The following MICU1 variants were observed in gnomAD, a reference collection of about 807,000 sequenced individuals.
MICU1 encodes calcium uptake protein 1, mitochondrial.
MICU1 carries 45 observed loss-of-function variants against 56.8 expected under a neutral mutation model. That is an observed-to-expected ratio of 0.79 (90% CI 0.62 to 1.02). MICU1 has a LOEUF of 1.02. Among genes scored for constraint, MICU1 ranks in the 50% least tolerant of loss-of-function variants. The pLI is 0.00. For synonymous variants in MICU1, 186 were observed against 195.1 expected (o/e 0.95, Z 0.39); for missense variants, 504 against 587.1 (o/e 0.86, Z 1.46).
intron 9 of MICU1, among the ~76,000 whole-genome samples, chr10:72,411,306 A>C (rs941594577): frequency 6.6e-6 from 1 of 151,846 alleles, no homozygotes; most frequent in African/African-American, 2.4e-5. Flanking sequence ...ATACACACAT[A>C]ACATGCTAAA....
intron 8 of MICU1, among the ~76,000 whole-genome samples, chr10:72,424,093 A>G (rs1813330963): frequency 1.3e-5 from 2 of 150,476 alleles, no homozygotes; most frequent in African/African-American, 4.8e-5. Context: ...TTTTGTATCA[A>G]CCTATAACAG....
chr10:72,487,745 G>A (rs1866521315), intron 6 of MICU1, among the ~76,000 whole-genome samples: 1 of 152,128 alleles, frequency 6.6e-6, no homozygotes, highest in Non-Finnish European at 1.5e-5. Context: ...CCACAACAAT[G>A]TCCTGCTTAT....
chr10:72,533,676 T>C (rs919164024), intron 5 of MICU1, 70 bp downstream of exon 5: 21 of 1,178,054 alleles, frequency 1.8e-5, no homozygotes, highest in Non-Finnish European at 2.4e-5. Context: ...CAAACATAAC[T>C]ATAGAGGAAC....
At position 72,386,095 on chromosome 10, in the gene MICU1, G is replaced by T. The variant is rs77890234; in HGVS notation, c.1181-10223C>A. On this transcript the variant is annotated intron_variant, in intron 10 of 11. Transcript: ENST00000361114. ...AACACTGCGATTTCATCCTTGTTAA[G>T]ATCCTAAGCAGAGAACCCAGCTATG... Among the ~76,000 whole-genome samples the T allele has an allele frequency of 6.0e-3, 908 of 152,278 alleles. 7 individuals carry two copies. The highest frequency in any genetic ancestry group is 0.033 in the East Asian group (173 of 5,184).
intron 1 of MICU1, among the ~76,000 whole-genome samples, chr10:72,621,318 T>C (rs1442700581): frequency 6.6e-6 from 1 of 151,540 alleles, no homozygotes; most frequent in East Asian, 1.9e-4. Flanking sequence ...TGAAACCCCA[T>C]CTCTACTTAA....
chr10:72,468,361 T>G (rs1361293555), intron 8 of MICU1, among the ~76,000 whole-genome samples: 1 of 149,470 alleles, frequency 6.7e-6, no homozygotes, highest in Non-Finnish European at 1.5e-5. Flanking sequence ...AAATTAACCA[T>G]AACCTTTCAA....
rs191687484 is a variant in MICU1, at chr10:72,453,545, T to A, written c.933+21555A>T. On this transcript the variant is annotated intron_variant, in intron 8 of 11. Transcript: ENST00000361114. ...TATTTATTTATTTATTTATTTATTT[T>A]TGAAACAAACTTTTGCTCTTGTTGC... Among the ~76,000 whole-genome samples, 148 of 152,092 alleles carry A rather than the reference T, an allele frequency of 9.7e-4. 1 individual carries two copies. Among genetic ancestry groups the A allele is most frequent in the Non-Finnish European group, 9.3e-4 (63 of 68,002 alleles).
At chr10:72,537,299 G>A (rs1208685983) in intron 4 of MICU1, among the ~76,000 whole-genome samples, 2 of 152,110 alleles carry the variant, frequency 1.3e-5, no homozygotes, top group Admixed American at 6.5e-5. Flanking sequence ...GATGGATGAA[G>A]TAATTCAAGC....
chr10:72,587,833 T>C (rs1841106656), intron 1 of MICU1, among the ~76,000 whole-genome samples: 1 of 152,034 alleles, frequency 6.6e-6, no homozygotes, highest in East Asian at 1.9e-4. Context: ...AATTTTAATT[T>C]AATAAAATAC....
intron 8 of MICU1, among the ~76,000 whole-genome samples, chr10:72,457,631 A>G (rs1468707295): frequency 6.6e-6 from 1 of 152,154 alleles, no homozygotes; most frequent in Admixed American, 6.6e-5. Context: ...CAACTGTTCA[A>G]TTAACTCTAT....
chr10:72,526,080 T>C (rs1867954306), intron 5 of MICU1, among the ~76,000 whole-genome samples: 1 of 149,744 alleles, frequency 6.7e-6, no homozygotes. Context: ...AAAGCCAGAT[T>C]TTTTTTTTTA....
At chr10:72,623,896 T>C (rs971825361) in intron 1 of MICU1, among the ~76,000 whole-genome samples, 21 of 28,662 alleles carry the variant, frequency 7.3e-4, no homozygotes, top group Non-Finnish European at 2.6e-3. Flanking sequence ...CTCCATTTAA[T>C]TAATTAATTA....
intron 5 of MICU1, among the ~76,000 whole-genome samples, chr10:72,521,920 T>C (rs1364340465): frequency 6.6e-6 from 1 of 152,114 alleles, no homozygotes; most frequent in African/African-American, 2.4e-5. Context: ...TCAATCATTT[T>C]GAAATGTGCA....
rs142851804 is a variant in MICU1, at chr10:72,595,435, G to C, written c.-1-28641C>G. 5.4e-3 allele frequency among the ~76,000 whole-genome samples: 652 copies of C among 119,924 alleles called. 5 individuals carry two copies. The highest frequency in any genetic ancestry group is 0.02 in the African/African-American group (614 of 30,564). 78.7% of individuals were successfully genotyped at this position (119,924 alleles called of 152,430 possible). A position where few individuals can be genotyped will look rare whatever the true frequency, so the allele number is the denominator to read the frequency against. On this transcript the variant is annotated intron_variant, in intron 1 of 11. Transcript: ENST00000361114. Reference sequence around the variant, plus strand: ...TCACTGCACTCCAACCTGGGTGACAGAGACTCTGTCTCAAAAAAAAAAAAA... The same window carrying C: ...TCACTGCACTCCAACCTGGGTGACACAGACTCTGTCTCAAAAAAAAAAAAA...
At chr10:72,479,039 T>A (rs1346894221) in intron 6 of MICU1, among the ~76,000 whole-genome samples, 1 of 152,190 alleles carries the variant, frequency 6.6e-6, no homozygotes, top group Non-Finnish European at 1.5e-5. Context: ...TACTGAGGAG[T>A]TACTATGTGG....
intron 9 of MICU1, among the ~76,000 whole-genome samples, chr10:72,415,013 G>GTTT (rs71018285): frequency 1.5e-4 from 17 of 114,264 alleles, no homozygotes; most frequent in South Asian, 2.9e-4. Flanking sequence ...CTCCTGCTTA[G>GTTT]TTTTTTTTTT....
At chr10:72,378,976 G>T (rs1277855142) in intron 10 of MICU1, among the ~76,000 whole-genome samples, 1 of 152,056 alleles carries the variant, frequency 6.6e-6, no homozygotes, top group Non-Finnish European at 1.5e-5. Context: ...AACATTCTTT[G>T]GTACTAAAAG....
intron 6 of MICU1, chr10:72,477,733 T>A (rs1396864845): frequency 1.7e-6 from 1 of 593,698 alleles, no homozygotes; most frequent in African/African-American, 1.9e-5. Context: ...TTGTTGTAAG[T>A]GCAGTCAGGA....
chr10:72,568,617 G>A (rs1387310534), intron 1 of MICU1, among the ~76,000 whole-genome samples: 2 of 152,148 alleles, frequency 1.3e-5, no homozygotes, highest in Non-Finnish European at 2.9e-5. Flanking sequence ...GCTGAGCACA[G>A]CTGACCTGTA....
Sources: gnomAD v4.1 joint callset for allele counts (sites outside exome capture counted in the v4.1 genomes callset) on GRCh38, gnomAD v4.1.1 for gene constraint, MANE v1.5 for transcripts, NCBI Gene and HGNC (gene_info 2026-07-23, HGNC 2026-07-21) for gene names.